LCN10: variants seen among roughly 807,000 people sequenced by gnomAD.
The protein encoded by LCN10 is lipocalin 10, also known as epididymal-specific lipocalin-10.
In LCN10, 18 loss-of-function variants were observed where a neutral mutation model predicts 25.1. The observed-to-expected ratio is 0.72, with a 90% CI of 0.50 to 1.06. The LOEUF is 1.06. Ranked by LOEUF, LCN10 falls within the 50% of genes least tolerant of loss-of-function variation. The probability of loss-of-function intolerance (pLI) is 0.00; values close to 1 mark genes in which losing one functional copy is unlikely to be tolerated. For missense variants in LCN10, 257 were observed against 258.9 expected (o/e 0.99, Z 0.05); for synonymous variants, 130 against 116.7 (o/e 1.11, Z -0.73).
chr9:136,742,713 C>A, intron 1 of LCN10, 74 bp downstream of exon 1: 1 of 1,549,072 alleles, frequency 6.5e-7, no homozygotes, highest in Middle Eastern at 1.9e-4. Flanking sequence ...GGGCGGCTGC[C>A]GGGAGACTGT....
chr9:136,741,740 G>A, intron 2 of LCN10, 141 bp downstream of exon 2: 1 of 1,206,170 alleles, frequency 8.3e-7, no homozygotes, highest in Non-Finnish European at 1.1e-6. Context: ...GGCTTCCTCT[G>A]AGTTTAGGGG....
rs1012938312 is a variant in LCN10, at chr9:136,738,766, G to A, written c.*759C>T. On this transcript the variant is annotated 3_prime_UTR_variant, in exon 6 of 6. Coordinates refer to ENST00000497771, the MANE Select transcript of LCN10 (RefSeq NM_001001712.3). Reference sequence around the variant, plus strand: ...TTCAGAAGTCACATCCTGTTCTGGGGATGCACCCCTGCTCCTCCAGCCCCA... The same window carrying A: ...TTCAGAAGTCACATCCTGTTCTGGGAATGCACCCCTGCTCCTCCAGCCCCA... 1 of 152,170 alleles carries A rather than the reference G, an allele frequency of 6.6e-6. No homozygotes were observed. The highest frequency in any genetic ancestry group is 1.5e-5 in the Non-Finnish European group (1 of 68,060). The allele number at this position is 152,170 out of a possible 1,614,324, so 9.4% of individuals were successfully genotyped here.
At chr9:136,741,754 G>T (rs1846940515) in intron 2 of LCN10, 127 bp downstream of exon 2, 1 of 1,285,054 alleles carries the variant, frequency 7.8e-7, no homozygotes, top group Non-Finnish European at 1.0e-6. Context: ...TTAGGGGGAG[G>T]AAGTGGGGGG....
chr9:136,742,030 G>A lies in LCN10; in HGVS notation c.118-10C>T, dbSNP rs761412435. On this transcript the variant is annotated splice_polypyrimidine_tract_variant and intron_variant, in intron 1 of 5. Transcript: ENST00000497771. ...ACCAGAACCCTGAAAACTGCGCAGC[G>A]GATGTGTGGGCGGGGACAGGAGCTG... 64 of 1,612,240 alleles carry A rather than the reference G, an allele frequency of 4.0e-5. No homozygotes were observed. The highest frequency in any genetic ancestry group is 4.5e-5 in the Non-Finnish European group (53 of 1,179,624).
At position 136,741,969 on chromosome 9, in the gene LCN10, A is replaced by G. The variant is rs767310797; in HGVS notation, c.169T>C (p.Leu57=). Reference sequence around the variant, plus strand: ...AGCTTCCTCTTGTCCCTGGCCGGCAAGAATCCCTGGGCATCAGTGGCAGTG... The same window carrying G: ...AGCTTCCTCTTGTCCCTGGCCGGCAGGAATCCCTGGGCATCAGTGGCAGTG... The part of the protein sequence containing the change: ...LATATDAQGF[L]PARDKRKLGA... The change falls in exon 2 of 6, where the codon TTG becomes CTG. Residue 57 remains leucine, a synonymous_variant. Transcript: ENST00000497771. 51 of 1,612,654 alleles carry G rather than the reference A, an allele frequency of 3.2e-5. No individual in the cohort carries two copies. In the East Asian group the frequency reaches 1.1e-3, roughly 36 times the overall value.
At position 136,739,273 on chromosome 9, in the gene LCN10, G is replaced by A; in HGVS notation, c.*252C>T. The A allele has an allele frequency of 1.9e-6, 1 of 525,704 alleles. No homozygotes were observed. The highest frequency in any genetic ancestry group is 3.4e-6 in the Non-Finnish European group (1 of 290,104). The allele number at this position is 525,704 out of a possible 1,614,324, so 32.6% of individuals were successfully genotyped here. ...AGCAGACAGGGAATAGCAGCAGCCTGCAGTGTGCTCCAGAAGACAGTGGGG... is the reference window on the plus strand; with the variant it reads ...AGCAGACAGGGAATAGCAGCAGCCTACAGTGTGCTCCAGAAGACAGTGGGG... On this transcript the variant is annotated 3_prime_UTR_variant, in exon 6 of 6. Transcript: ENST00000497771. This position sits in a 1 kb window ranked among gnomAD's most constrained non-coding sequence, Gnocchi z 6.1.
In LCN10 at chr9:136,738,694, G is replaced by C. The variant is rs1394899817; in HGVS notation, c.*831C>G. The C allele has an allele frequency of 6.6e-6, 1 of 152,242 alleles. No individual in the cohort carries two copies. Among genetic ancestry groups the C allele is most frequent in the Non-Finnish European group, 1.5e-5 (1 of 68,092 alleles). 9.4% of individuals were successfully genotyped at this position (152,242 alleles called of 1,614,324 possible). On this transcript the variant is annotated 3_prime_UTR_variant, in exon 6 of 6. Coordinates refer to ENST00000497771, the MANE Select transcript of LCN10 (RefSeq NM_001001712.3). ...TCTCCCCGCCGCCATTCTGATACTG[G>C]CGTCCCCAATCTCCTTGAGAAACCA...
intron 1 of LCN10, chr9:136,742,236 C>A: frequency 1.7e-6 from 1 of 590,376 alleles, no homozygotes; most frequent in Non-Finnish European, 2.9e-6. Flanking sequence ...GGACCCCAGG[C>A]AGCAAAGGGC....
chr9:136,742,122 G>T, intron 1 of LCN10, 102 bp from the exon 2 acceptor site: 1 of 1,430,790 alleles, frequency 7.0e-7, no homozygotes, highest in Non-Finnish European at 9.4e-7. Flanking sequence ...TGACCCTTCT[G>T]TGAGCCGGAG....
intron 2 of LCN10, 57 bp downstream of exon 2, chr9:136,741,824 G>A (rs1038738554): frequency 4.5e-6 from 7 of 1,540,932 alleles, no homozygotes; most frequent in Non-Finnish European, 8.7e-7. Context: ...CCAGCCCCGA[G>A]GCAGCTCCCT....
rs116837130 is a variant in LCN10 at position 136,740,880 on chromosome 9, C to T, written c.431G>A (p.Arg144His). ...TDYSYGLVYLRLGRATQNYKN... is the reference protein window; with the variant it reads ...TDYSYGLVYLHLGRATQNYKN... ...GTAGTTTTGGGTTGCACGCCCCAGG[C>T]GGAGGTAGACCAAGCCGTAGCTGTA... is the stretch of plus-strand genomic sequence containing the variant. The change falls in exon 4 of 6, where the codon CGC becomes CAC. Residue 144 changes from arginine to histidine, a missense_variant. Arg to His is a conservative substitution (Grantham distance 29). Transcript: ENST00000497771. This position sits in a 1 kb window ranked among gnomAD's most constrained non-coding sequence, Gnocchi z 5.3. The T allele has an allele frequency of 1.2e-3, 1,917 of 1,613,658 alleles. 28 individuals carry two copies. In the African/African-American group the frequency reaches 0.023, roughly 19 times the overall value.
intron 1 of LCN10, 59 bp downstream of exon 1, chr9:136,742,728 G>T (rs902287013): frequency 6.3e-7 from 1 of 1,596,892 alleles, no homozygotes; most frequent in South Asian, 1.1e-5. Flanking sequence ...GACTGTGCAG[G>T]AGCCTGCTCC....
In LCN10 at chr9:136,740,764, G is replaced by C; in HGVS notation, c.475+72C>G. ...CGCCTCACCTCCTGCCCGGCCCCCT[G>C]TGCCCAGCGCCCCTCTATGCCTCCC... On this transcript the variant is annotated intron_variant, in intron 4 of 5. Coordinates refer to ENST00000497771, the MANE Select transcript of LCN10 (RefSeq NM_001001712.3). The surrounding 1 kb of genome is among the most constrained non-coding windows in gnomAD (Gnocchi z 5.3). 8.2e-7 allele frequency: 1 copy of C among 1,215,844 alleles called. No homozygotes were observed. The highest frequency in any genetic ancestry group is 1.1e-6 in the Non-Finnish European group (1 of 871,406). The allele number at this position is 1,215,844 out of a possible 1,614,324, so 75.3% of individuals were successfully genotyped here.
chr9:136,741,453 C>T (rs1336567192), intron 2 of LCN10, 92 bp from the exon 3 acceptor site: 1 of 1,031,572 alleles, frequency 9.7e-7, no homozygotes, highest in Non-Finnish European at 1.4e-6. Flanking sequence ...CTCGGTCCCG[C>T]CCCTGCTCCC....
Position 136,740,535 on chromosome 9 carries a change from C to A in LCN10, c.475+301G>T. 2.0e-6 allele frequency: 1 copy of A among 498,288 alleles called. No individual in the cohort carries two copies. The highest frequency in any genetic ancestry group is 2.9e-5 in the South Asian group (1 of 34,632). 30.9% of individuals were successfully genotyped at this position (498,288 alleles called of 1,614,324 possible). ...GACCCCTCCCACGCCTCCTCATCCC[C>A]ACTGTGTCCCTCACCCAGAACGTTG... On this transcript the variant is annotated intron_variant, in intron 4 of 5. Transcript: ENST00000497771. This position sits in a 1 kb window ranked among gnomAD's most constrained non-coding sequence, Gnocchi z 5.3.
intron 1 of LCN10, chr9:136,742,340 A>G (rs994921556): frequency 6.3e-5 from 26 of 409,508 alleles, no homozygotes; most frequent in Non-Finnish European, 9.7e-5. Context: ...CTGCTCGGCC[A>G]CTTCCCTTCC....
At position 136,741,373 on chromosome 9, in the gene LCN10, G is replaced by A. The variant is rs1846930285; in HGVS notation, c.258-12C>T. The A allele has an allele frequency of 6.3e-7, 1 of 1,595,002 alleles. No individual in the cohort carries two copies. Among genetic ancestry groups the A allele is most frequent in the Non-Finnish European group, 8.6e-7 (1 of 1,167,640 alleles). On this transcript the variant is annotated splice_polypyrimidine_tract_variant and intron_variant, in intron 2 of 5. Transcript: ENST00000497771. ...GGCACCCCTTCAACCTGGGGCCAAG[G>A]CGGGGGCTCAGGCTGCAGACCAGGG...
At position 136,742,877 on chromosome 9, in the gene LCN10, C is replaced by T. The variant is rs750454131; in HGVS notation, c.27G>A (p.Ala9=). The change falls in exon 1 of 6, where the codon GCG becomes GCA. Residue 9 remains alanine (A), a synonymous_variant. Coordinates refer to ENST00000497771, the MANE Select transcript of LCN10 (RefSeq NM_001001712.3). ...GCACTAGCACCAGCACCAGCACCAGCGCCAGCACCAGCAGCCCCTGCCTCA... is the reference window on the plus strand; with the variant it reads ...GCACTAGCACCAGCACCAGCACCAGTGCCAGCACCAGCAGCCCCTGCCTCA... The part of the protein sequence containing the change: MRQGLLVL[A]LVLVLVLVLA... 21 of 1,613,360 alleles carry T rather than the reference C, an allele frequency of 1.3e-5. No homozygotes were observed. Among genetic ancestry groups the T allele is most frequent in the African/African-American group, 2.7e-5 (2 of 74,904 alleles).
chr9:136,741,405 T>C (rs1054790987), intron 2 of LCN10, 44 bp from the exon 3 acceptor site: 2 of 1,420,910 alleles, frequency 1.4e-6, no homozygotes, highest in East Asian at 2.3e-5. Context: ...AGGGAACCCC[T>C]CCTCCCGCCT....
Sources: allele counts gnomAD v4.1 joint callset, GRCh38; gene constraint gnomAD v4.1.1; non-coding constraint Gnocchi (gnomAD v3.1); transcripts MANE v1.5; gene names NCBI Gene and HGNC (gene_info 2026-07-23, HGNC 2026-07-21).